Variants in MPHOSPH9 observed in about 807,000 individuals in gnomAD.
MPHOSPH9 encodes the protein M-phase phosphoprotein 9.
A neutral mutation model predicts 145.5 loss-of-function variants in MPHOSPH9; 88 were observed. The ratio of observed to expected loss-of-function variants is 0.60; its 90% CI spans 0.51 to 0.72. The LOEUF is 0.72. Among genes scored for constraint, MPHOSPH9 ranks in the 30% least tolerant of loss-of-function variants. The probability of loss-of-function intolerance (pLI) is 0.00; values close to 1 mark genes in which losing one functional copy is unlikely to be tolerated. For synonymous variants in MPHOSPH9, 435 were observed against 486.2 expected (o/e 0.89, Z 1.39); for missense variants, 1,238 against 1,386.6 (o/e 0.89, Z 1.70).
At chr12:123,171,264 G>C (rs1322545812) in intron 16 of MPHOSPH9, among the ~76,000 whole-genome samples, 2 of 151,798 alleles carry the variant, frequency 1.3e-5, no homozygotes, top group African/African-American at 4.8e-5. Flanking sequence ...GACCAGCCTG[G>C]CCAACAAGGT....
intron 14 of MPHOSPH9, among the ~76,000 whole-genome samples, chr12:123,180,418 G>A (rs1228370148): frequency 6.6e-6 from 1 of 152,138 alleles, no homozygotes; most frequent in Non-Finnish European, 1.5e-5. Context: ...TCCATTCTAT[G>A]CAACAGAAAT....
chr12:123,167,764 G>A (rs965393538), intron 16 of MPHOSPH9, among the ~76,000 whole-genome samples: 1 of 152,070 alleles, frequency 6.6e-6, no homozygotes, highest in Non-Finnish European at 1.5e-5. Flanking sequence ...ACTGAACAGC[G>A]CAATTCTAGA....
At chr12:123,196,034 CAA>C (rs571566355) in intron 12 of MPHOSPH9, among the ~76,000 whole-genome samples, 11 of 131,680 alleles carry the variant, frequency 8.4e-5, no homozygotes, top group South Asian at 2.4e-4. Context: ...GACCCTGTCT[CAA>C]AAAAAAAAAA....
chr12:123,203,499 A>G, intron 8 of MPHOSPH9, 124 bp from the exon 9 acceptor site: 1 of 853,550 alleles, frequency 1.2e-6, no homozygotes, highest in East Asian at 2.7e-5. Flanking sequence ...AGACTGTCAG[A>G]TTTGTAATAC....
Position 123,194,395 on chromosome 12 carries a change from C to T in MPHOSPH9, c.2232G>A (p.Met744Ile), listed in dbSNP as rs947875824. The change falls in exon 13 of 24, where the codon ATG becomes ATA. Residue 744 changes from methionine to isoleucine, a missense_variant. Coordinates refer to ENST00000606320, the MANE Select transcript of MPHOSPH9 (RefSeq NM_022782.4). ...ATTATTCGCTACTTACATCTTGAAA[C>T]ATTTTGTTCTCTTGTTTTAGTTGAG... Reference protein sequence around the residue: ...KEAQLKQENKMFQDLLGEYES... With the variant: ...KEAQLKQENKIFQDLLGEYES... The T allele has an allele frequency of 5.0e-6, 8 of 1,586,144 alleles. No individual in the cohort carries two copies. Among genetic ancestry groups the T allele is most frequent in the Admixed American group, 3.6e-5 (2 of 55,426 alleles).
intron 1 of MPHOSPH9, among the ~76,000 whole-genome samples, chr12:123,240,209 C>CAA (rs55859746): frequency 1.5e-5 from 2 of 135,058 alleles, no homozygotes; most frequent in African/African-American, 5.7e-5. Context: ...ATTAAAAATA[C>CAA]AAAAAAAAAA....
chr12:123,161,352 G>C lies in MPHOSPH9; in HGVS notation c.3165C>G (p.Asn1055Lys). ...EKTYSEKATDNHVNHSSCPEP... is the reference protein window; with the variant it reads ...EKTYSEKATDKHVNHSSCPEP... ...CAGGGCAAGAGCTATGATTAACATG[G>C]TTATCGGTGGCTTTCTCAGAATAAG... Residue 1055 changes from asparagine (N) to lysine (K), a missense_variant, in exon 22 of 24, where the codon AAC (asparagine) becomes AAG (lysine). By Grantham distance (94) the Asn-to-Lys change is moderately conservative (BLOSUM62 0). Coordinates refer to ENST00000606320, the MANE Select transcript of MPHOSPH9 (RefSeq NM_022782.4). 1.2e-6 allele frequency: 2 copies of C among 1,614,036 alleles called. No homozygotes were observed. The highest frequency in any genetic ancestry group is 1.7e-5 in the Admixed American group (1 of 60,010).
chr12:123,217,252 C>T (rs2047007819), intron 6 of MPHOSPH9, among the ~76,000 whole-genome samples: 1 of 151,594 alleles, frequency 6.6e-6, no homozygotes, highest in African/African-American at 2.4e-5. Context: ...GGCCGGAGTG[C>T]AATGGCGTGA....
intron 13 of MPHOSPH9, among the ~76,000 whole-genome samples, chr12:123,184,773 C>T (rs2045362364): frequency 6.6e-6 from 1 of 151,596 alleles, no homozygotes; most frequent in African/African-American, 2.4e-5. Context: ...GCTGGGATTA[C>T]AGGCATGAGC....
In MPHOSPH9 at chr12:123,221,739, A is replaced by T; in HGVS notation, c.505T>A (p.Tyr169Asn). 1.2e-6 allele frequency: 2 copies of T among 1,614,154 alleles called. No individual in the cohort carries two copies. The highest frequency in any genetic ancestry group is 1.7e-6 in the Non-Finnish European group (2 of 1,180,034). Reference sequence around the variant, plus strand: ...ATTTCAGGTTCTGTGGATTCAGGATAATGGATAACAGATTCATTTCTCTCA... The same window carrying T: ...ATTTCAGGTTCTGTGGATTCAGGATTATGGATAACAGATTCATTTCTCTCA... ...SSERNESVIHYPESTEPEIQQ... is the reference protein window; with the variant it reads ...SSERNESVIHNPESTEPEIQQ... Residue 169 changes from tyrosine (Y) to asparagine (N), a missense_variant, in exon 5 of 24, where the codon TAT becomes AAT. Coordinates refer to ENST00000606320, the MANE Select transcript of MPHOSPH9 (RefSeq NM_022782.4).
chr12:123,181,256 AT>A, intron 13 of MPHOSPH9, 46 bp from the exon 14 acceptor site: 1 of 1,542,106 alleles, frequency 6.5e-7, no homozygotes, highest in Non-Finnish European at 8.9e-7. Flanking sequence ...ATTAAACGTT[AT>A]TCTATCAACT....
chr12:123,199,278 G>A (rs904373023), intron 11 of MPHOSPH9, among the ~76,000 whole-genome samples: 1 of 152,006 alleles, frequency 6.6e-6, no homozygotes, highest in African/African-American at 2.4e-5. Context: ...AATTTAGCAC[G>A]AATATAACTA....
intron 13 of MPHOSPH9, among the ~76,000 whole-genome samples, chr12:123,192,628 C>CAAAAAA (rs55831766): frequency 1.6e-4 from 8 of 49,382 alleles, no homozygotes; most frequent in Non-Finnish European, 2.5e-4. Flanking sequence ...GACACCGTCT[C>CAAAAAA]AAAAAAAAAA....
At chr12:123,242,565 A>G (rs2138758941) in intron 1 of MPHOSPH9, among the ~76,000 whole-genome samples, 1 of 152,316 alleles carries the variant, frequency 6.6e-6, no homozygotes, top group Middle Eastern at 3.4e-3. Flanking sequence ...TCCAGGAGAT[A>G]CTAAAAGTGT....
intron 16 of MPHOSPH9, among the ~76,000 whole-genome samples, chr12:123,175,307 C>G (rs1025383046): frequency 5.3e-5 from 8 of 152,070 alleles, no homozygotes; most frequent in African/African-American, 1.9e-4. Flanking sequence ...CCAGCCACCG[C>G]GCCCGGCTAA....
At chr12:123,167,159 C>T (rs2044355325) in intron 16 of MPHOSPH9, among the ~76,000 whole-genome samples, 2 of 152,338 alleles carry the variant, frequency 1.3e-5, no homozygotes, top group South Asian at 2.1e-4. Flanking sequence ...CACTGTCCAA[C>T]AGAATCTTCT....
At chr12:123,218,810 TG>T in intron 5 of MPHOSPH9, among the ~76,000 whole-genome samples, 1 of 151,996 alleles carries the variant, frequency 6.6e-6, no homozygotes, top group African/African-American at 2.4e-5. Context: ...GCCACCACAC[TG>T]GGTTCCAAAA....
At chr12:123,170,418 T>C (rs2044528215) in intron 16 of MPHOSPH9, among the ~76,000 whole-genome samples, 1 of 152,046 alleles carries the variant, frequency 6.6e-6, no homozygotes, top group Non-Finnish European at 1.5e-5. Flanking sequence ...GCTGGGATTA[T>C]AGGCGTGAGC....
At position 123,223,047 on chromosome 12, in the gene MPHOSPH9, G is replaced by C; in HGVS notation, c.339C>G (p.Asn113Lys). ...GTAAATGGTAACTTACTTGAATTTGGTTGTGGAACTGCTCCTGCTGGGCAA... is the reference window on the plus strand; with the variant it reads ...GTAAATGGTAACTTACTTGAATTTGCTTGTGGAACTGCTCCTGCTGGGCAA... The part of the protein sequence containing the change: ...QIVAQQEQFH[N>K]QIQHIQEEIK... Residue 113 changes from asparagine (N) to lysine (K), a missense_variant, in exon 4 of 24, where the codon AAC becomes AAG. Asn to Lys is a moderately conservative substitution (Grantham distance 94). Around this residue, in one of 3 missense-constraint regions of MPHOSPH9, gnomAD observed 837 missense variants for 897.5 expected, o/e 0.93. Transcript: ENST00000606320. 6.6e-7 allele frequency: 1 copy of C among 1,516,322 alleles called. No homozygotes were observed. The highest frequency in any genetic ancestry group is 8.8e-7 in the Non-Finnish European group (1 of 1,137,734). The allele number at this position is 1,516,322 out of a possible 1,614,324, so 93.9% of individuals were successfully genotyped here. A position where few individuals can be genotyped will look rare whatever the true frequency, so the allele number is the denominator to read the frequency against.
Sources: allele counts gnomAD v4.1 joint callset (sites outside exome capture counted in the v4.1 genomes callset), GRCh38; gene constraint gnomAD v4.1.1; regional missense constraint gnomAD v4.1.1; transcripts MANE v1.5; gene names NCBI Gene and HGNC (gene_info 2026-07-23, HGNC 2026-07-21).